NCK1: variants seen among roughly 807,000 people sequenced by gnomAD.
NCK1 encodes the protein NCK adaptor protein 1.
A neutral mutation model predicts 36.6 loss-of-function variants in NCK1; 19 were observed. The observed-to-expected ratio is 0.52, with a 90% CI of 0.36 to 0.76. NCK1 has a LOEUF of 0.76. Among genes scored for constraint, NCK1 ranks in the 30% least tolerant of loss-of-function variants. The pLI is 0.00. For missense variants in NCK1, 358 were observed against 445.6 expected, an observed-to-expected ratio of 0.80 and a Z score of 1.77; for synonymous variants, 165 against 156.0, an observed-to-expected ratio of 1.06 and a Z score of -0.43.
chr3:136,930,637 G>C (rs1049274297), intron 2 of NCK1: 1 of 1,376,756 alleles, frequency 7.3e-7, no homozygotes. Flanking sequence ...TCTTGAAGTT[G>C]TGAATTAGAT....
chr3:136,912,974 A>G (rs907075363), intron 1 of NCK1, among the ~76,000 whole-genome samples: 2 of 151,408 alleles, frequency 1.3e-5, no homozygotes, highest in African/African-American at 4.8e-5. Context: ...GAGGTTTTCT[A>G]TCTCTTTACT....
chr3:136,886,635 C>T (rs1480533326), intron 1 of NCK1, among the ~76,000 whole-genome samples: 1 of 152,018 alleles, frequency 6.6e-6, no homozygotes, highest in African/African-American at 2.4e-5. Flanking sequence ...AAATTGCTGT[C>T]ACAGTCTGTA....
At chr3:136,947,421 G>A (rs1309843847) in intron 3 of NCK1, among the ~76,000 whole-genome samples, 1 of 151,988 alleles carries the variant, frequency 6.6e-6, no homozygotes. Context: ...TAGACAAAAT[G>A]CAATATATAC....
At chr3:136,924,024 A>G (rs1308675256) in intron 1 of NCK1, among the ~76,000 whole-genome samples, 1 of 152,218 alleles carries the variant, frequency 6.6e-6, no homozygotes, top group Non-Finnish European at 1.5e-5. Flanking sequence ...TAGAGCTAGC[A>G]CATCATCATT....
At chr3:136,893,189 T>TTTTCTTTACCC (rs1553793944) in intron 1 of NCK1, among the ~76,000 whole-genome samples, 6 of 123,178 alleles carry the variant, frequency 4.9e-5, no homozygotes, top group African/African-American at 6.0e-5. Flanking sequence ...TATATATATA[T>TTTTCTTTACCC]ATACACACAT....
At chr3:136,886,370 G>A (rs1409507051) in intron 1 of NCK1, among the ~76,000 whole-genome samples, 1 of 151,950 alleles carries the variant, frequency 6.6e-6, no homozygotes, top group Non-Finnish European at 1.5e-5. Context: ...TGAGTCTCTT[G>A]TGTAAAATGG....
chr3:136,903,403 A>G (rs1939598165), intron 1 of NCK1, among the ~76,000 whole-genome samples: 1 of 152,160 alleles, frequency 6.6e-6, no homozygotes, highest in African/African-American at 2.4e-5. Flanking sequence ...AACATTTTAA[A>G]AAATCTATTC....
intron 1 of NCK1, among the ~76,000 whole-genome samples, chr3:136,902,198 T>TTTTTTTTTTTTTTTTG (rs1939561830): frequency 1.5e-5 from 2 of 131,502 alleles, no homozygotes; most frequent in Non-Finnish European, 3.2e-5. Context: ...TTTTTTTTTT[T>TTTTTTTTTTTTTTTTG]TTTTGTTTTT....
At chr3:136,928,881 A>G (rs961293822) in intron 2 of NCK1, among the ~76,000 whole-genome samples, 1 of 151,822 alleles carries the variant, frequency 6.6e-6, no homozygotes, top group Non-Finnish European at 1.5e-5. Flanking sequence ...AAAAAAAAAA[A>G]AAAATTAAAC....
At position 136,946,034 on chromosome 3, in the gene NCK1, C is replaced by T; in HGVS notation, c.678C>T (p.Asp226=). Residue 226 remains aspartate, a synonymous_variant, in exon 3 of 4, where the codon GAC becomes GAT. Coordinates refer to ENST00000481752, the MANE Select transcript of NCK1 (RefSeq NM_001291999.2). ...VMDVIEKPEN[D]PEWWKCRKIN... Reference sequence around the variant, plus strand: ...ATGTTATTGAAAAACCTGAAAATGACCCAGAGTGGTGGAAATGCAGGAAGA... The same window carrying T: ...ATGTTATTGAAAAACCTGAAAATGATCCAGAGTGGTGGAAATGCAGGAAGA... The T allele has an allele frequency of 6.2e-7, 1 of 1,613,892 alleles. No homozygotes were observed. The highest frequency in any genetic ancestry group is 8.5e-7 in the Non-Finnish European group (1 of 1,179,982).
chr3:136,925,840 A>G (rs983160825), intron 1 of NCK1, among the ~76,000 whole-genome samples: 4 of 152,312 alleles, frequency 2.6e-5, no homozygotes, highest in Admixed American at 2.6e-4. Context: ...TTTCTCTGGG[A>G]TAAATACCCA....
intron 1 of NCK1, among the ~76,000 whole-genome samples, chr3:136,869,809 T>C (rs1333561018): frequency 6.6e-6 from 1 of 152,122 alleles, no homozygotes; most frequent in Non-Finnish European, 1.5e-5. Context: ...TATTTTTTGG[T>C]TGTTAATAGT....
intron 1 of NCK1, among the ~76,000 whole-genome samples, chr3:136,868,011 G>A (rs9883108): frequency 1.3e-5 from 2 of 151,684 alleles, no homozygotes; most frequent in African/African-American, 4.9e-5. Context: ...TCCGCCTCTC[G>A]GGTTCAAGCA....
chr3:136,934,096 T>C (rs1162076973), intron 2 of NCK1, among the ~76,000 whole-genome samples: 3 of 152,200 alleles, frequency 2.0e-5, no homozygotes, highest in African/African-American at 4.8e-5. Context: ...TGCTATGTAC[T>C]GTAAGTGCTT....
intron 1 of NCK1, among the ~76,000 whole-genome samples, chr3:136,926,650 G>A (rs927988599): frequency 1.3e-5 from 2 of 152,088 alleles, no homozygotes; most frequent in African/African-American, 4.8e-5. Context: ...ACATCCCACA[G>A]AGTTCGATGT....
At chr3:136,926,794 T>G (rs923436724) in intron 1 of NCK1, among the ~76,000 whole-genome samples, 1 of 152,176 alleles carries the variant, frequency 6.6e-6, no homozygotes, top group East Asian at 1.9e-4. Context: ...TTGGAGAATA[T>G]GGTTGTAGGA....
intron 1 of NCK1, among the ~76,000 whole-genome samples, chr3:136,882,676 G>A (rs1008849326): frequency 2.0e-5 from 3 of 151,986 alleles, no homozygotes; most frequent in African/African-American, 7.3e-5. Context: ...TGGCTTCTCA[G>A]ATTGTTTTGG....
At chr3:136,879,108 C>A (rs1938858269) in intron 1 of NCK1, among the ~76,000 whole-genome samples, 2 of 136,118 alleles carry the variant, frequency 1.5e-5, no homozygotes, top group East Asian at 2.3e-4. Context: ...AAATAGAAAA[C>A]AAACTGGGAA....
chr3:136,912,166 T>C (rs1366809606), intron 1 of NCK1, among the ~76,000 whole-genome samples: 3 of 84,012 alleles, frequency 3.6e-5, no homozygotes, highest in South Asian at 6.4e-4. Context: ...TTTTTTCTTT[T>C]TTTTTTTTTT....
Sources: allele counts gnomAD v4.1 joint callset (sites outside exome capture counted in the v4.1 genomes callset), GRCh38; gene constraint gnomAD v4.1.1; transcripts MANE v1.5; gene names NCBI Gene and HGNC (gene_info 2026-07-23, HGNC 2026-07-21).